RIPK2: variants seen among roughly 807,000 people sequenced by gnomAD.
The protein encoded by RIPK2 is receptor interacting serine/threonine kinase 2.
RIPK2 carries 38 observed loss-of-function variants against 60.9 expected under a neutral mutation model. That is an observed-to-expected ratio of 0.62 (90% CI 0.48 to 0.82). The LOEUF (loss-of-function observed/expected upper bound fraction) is 0.82, where lower values mean the gene tolerates loss of function less well. RIPK2 is among the 40% of genes least tolerant of loss of function. RIPK2 has a pLI of 0.00. For synonymous variants in RIPK2, 225 were observed against 223.4 expected (o/e 1.01, Z -0.06); for missense variants, 518 against 647.0 (o/e 0.80, Z 2.16).
intron 1 of RIPK2, among the ~76,000 whole-genome samples, chr8:89,760,247 A>G (rs1039581091): frequency 6.6e-6 from 1 of 152,146 alleles, no homozygotes; most frequent in African/African-American, 2.4e-5. Context: ...AGTTTATGCA[A>G]TGTTACATGC....
chr8:89,776,259 T>C (rs1181942590), intron 6 of RIPK2, among the ~76,000 whole-genome samples: 1 of 152,206 alleles, frequency 6.6e-6, no homozygotes, highest in Non-Finnish European at 1.5e-5. Flanking sequence ...AGGATTGAAC[T>C]GGAAATGTCA....
chr8:89,772,150 G>GACTAGAC (rs1254049131), intron 5 of RIPK2, among the ~76,000 whole-genome samples: 85 of 151,950 alleles, frequency 5.6e-4, no homozygotes, highest in Non-Finnish European at 9.7e-4. Context: ...TAGTCTAGCT[G>GACTAGAC]TAAAATTATT....
intron 6 of RIPK2, among the ~76,000 whole-genome samples, chr8:89,774,510 T>C (rs1057117281): frequency 6.6e-6 from 1 of 152,090 alleles, no homozygotes; most frequent in African/African-American, 2.4e-5. Flanking sequence ...AAAGATAAAT[T>C]TACCATACAA....
intron 7 of RIPK2, 38 bp downstream of exon 7, chr8:89,780,198 A>T (rs1247175316): frequency 9.8e-7 from 1 of 1,020,124 alleles, no homozygotes; most frequent in African/African-American, 1.6e-5. Context: ...TTAGAAATTT[A>T]AACAACTATA....
chr8:89,775,953 T>C (rs1327041257), intron 6 of RIPK2, among the ~76,000 whole-genome samples: 1 of 152,192 alleles, frequency 6.6e-6, no homozygotes, highest in Non-Finnish European at 1.5e-5. Context: ...GAATATCAGT[T>C]TCATTACTGA....
chr8:89,766,943 A>G (rs1020332606), intron 3 of RIPK2, among the ~76,000 whole-genome samples: 1 of 151,674 alleles, frequency 6.6e-6, no homozygotes, highest in African/African-American at 2.4e-5. Context: ...ATTTCCTCCC[A>G]GTTATAGTTT....
Position 89,790,280 on chromosome 8 carries a change from T to G in RIPK2, c.1487T>G (p.Ile496Ser). 1 of 1,614,082 alleles carries G rather than the reference T, an allele frequency of 6.2e-7. No homozygotes were observed. Among genetic ancestry groups the G allele is most frequent in the Non-Finnish European group, 8.5e-7 (1 of 1,179,998 alleles). Residue 496 changes from isoleucine to serine, a missense_variant, in exon 11 of 11, where the codon ATC becomes AGC. Coordinates refer to ENST00000220751, the MANE Select transcript of RIPK2 (RefSeq NM_003821.6). ...AGACAATTACTAGACACTACTGACATCCAAGGAGAAGAATTTGCCAAAGTT... is the reference window on the plus strand; with the variant it reads ...AGACAATTACTAGACACTACTGACAGCCAAGGAGAAGAATTTGCCAAAGTT... ...KVRQLLDTTD[I>S]QGEEFAKVIV...
intron 9 of RIPK2, among the ~76,000 whole-genome samples, chr8:89,788,932 T>C (rs1809630455): frequency 6.6e-6 from 1 of 151,978 alleles, no homozygotes; most frequent in African/African-American, 2.4e-5. Flanking sequence ...GAGGGGATGA[T>C]TAAGTCCCTG....
At position 89,757,974 on chromosome 8, in the gene RIPK2, G is replaced by C. The variant is rs199580324; in HGVS notation, c.-87G>C. 6.9e-7 allele frequency: 1 copy of C among 1,449,578 alleles called. No homozygotes were observed. The highest frequency in any genetic ancestry group is 9.1e-7 in the Non-Finnish European group (1 of 1,100,288). 89.8% of individuals were successfully genotyped at this position (1,449,578 alleles called of 1,614,324 possible). A position where few individuals can be genotyped will look rare whatever the true frequency, so the allele number is the denominator to read the frequency against. ...TTGCCGGCCTCGCTCGTGCAGGGGCGTATCTGGGCGCCTGAGCGCGGCGTG... is the reference window on the plus strand; with the variant it reads ...TTGCCGGCCTCGCTCGTGCAGGGGCCTATCTGGGCGCCTGAGCGCGGCGTG... On this transcript the variant is annotated 5_prime_UTR_variant, in exon 1 of 11. Transcript: ENST00000220751.
intron 1 of RIPK2, chr8:89,759,414 A>G: frequency 2.2e-6 from 1 of 456,250 alleles, no homozygotes; most frequent in South Asian, 1.5e-5. Flanking sequence ...ATGTGAAAAT[A>G]CGTCATCCCC....
At chr8:89,763,436 C>G (rs1809177425) in intron 2 of RIPK2, among the ~76,000 whole-genome samples, 1 of 152,068 alleles carries the variant, frequency 6.6e-6, no homozygotes, top group African/African-American at 2.4e-5. Flanking sequence ...ATTAGCTTTT[C>G]TAATAATAGA....
At position 89,771,747 on chromosome 8, in the gene RIPK2, A is replaced by C. The variant is rs746599674; in HGVS notation, c.648A>C (p.Ala216=). 2 of 1,602,642 alleles carry C rather than the reference A, an allele frequency of 1.2e-6. No homozygotes were observed. Among genetic ancestry groups the C allele is most frequent in the Admixed American group, 3.4e-5 (2 of 58,942 alleles). The stretch of plus-strand genomic sequence containing the variant: ...ATGTTCTTATGTTAAACAGCTATGC[A>C]GTTATCACATGGGAAGTGTTATCCA... ...ASIKHDIYSY[A]VITWEVLSRK... Residue 216 remains alanine, a synonymous_variant, in exon 5 of 11, where the codon GCA becomes GCC. Transcript: ENST00000220751.
chr8:89,763,418 C>T (rs930956723), intron 2 of RIPK2, among the ~76,000 whole-genome samples: 11 of 152,084 alleles, frequency 7.2e-5, no homozygotes, highest in African/African-American at 2.2e-4. Flanking sequence ...TCTCTGAATA[C>T]CAGATACATT....
intron 3 of RIPK2, among the ~76,000 whole-genome samples, chr8:89,768,510 G>A (rs1809264068): frequency 6.6e-6 from 1 of 151,450 alleles, no homozygotes; most frequent in South Asian, 2.1e-4. Flanking sequence ...CGCGCTTTTG[G>A]AGAACACTCA....
chr8:89,769,651 T>C lies in RIPK2; in HGVS notation c.484-121T>C, dbSNP rs544190004. 8 of 630,910 alleles carry C rather than the reference T, an allele frequency of 1.3e-5. No individual in the cohort carries two copies. The East Asian group carries it at 2.5e-4, about 20-fold the overall frequency. 39.1% of individuals were successfully genotyped at this position (630,910 alleles called of 1,614,324 possible). The stretch of plus-strand genomic sequence containing the variant: ...TGGGGGAATATACAGAAATAAAATA[T>C]TAAAATATATTACATTTTCTCTGGT... On this transcript the variant is annotated intron_variant, in intron 3 of 10. Transcript: ENST00000220751.
intron 8 of RIPK2, among the ~76,000 whole-genome samples, chr8:89,785,068 C>T (rs1809562665): frequency 2.0e-5 from 3 of 152,158 alleles, no homozygotes; most frequent in East Asian, 1.9e-4. Context: ...TTAAGCCCCA[C>T]CTCCCAACAC....
intron 3 of RIPK2, among the ~76,000 whole-genome samples, chr8:89,768,999 T>G (rs2130554686): frequency 6.6e-6 from 1 of 151,924 alleles, no homozygotes; most frequent in South Asian, 2.1e-4. Flanking sequence ...ATATTATTTC[T>G]GTTCTTACAT....
In RIPK2 at chr8:89,790,516, T is replaced by G; in HGVS notation, c.*100T>G. On this transcript the variant is annotated 3_prime_UTR_variant, in exon 11 of 11. Transcript: ENST00000220751. ...AAAATCCGTGAGTATTAAAGCTTTATTGAAGGTTCTTTGGGTAAATATTAG... is the reference window on the plus strand; with the variant it reads ...AAAATCCGTGAGTATTAAAGCTTTAGTGAAGGTTCTTTGGGTAAATATTAG... The G allele has an allele frequency of 1.2e-6, 1 of 823,510 alleles. No homozygotes were observed. The highest frequency in any genetic ancestry group is 1.8e-6 in the Non-Finnish European group (1 of 543,010). The allele number at this position is 823,510 out of a possible 1,614,324, so 51.0% of individuals were successfully genotyped here.
At position 89,784,248 on chromosome 8, in the gene RIPK2, C is replaced by T; in HGVS notation, c.1029+109C>T. ...TCTTTTATAGAAGGAAAACTAAAGC[C>T]CAGGGAGCTTTTAGGATTTGTTTGG... On this transcript the variant is annotated intron_variant, in intron 8 of 10. Coordinates refer to ENST00000220751, the MANE Select transcript of RIPK2 (RefSeq NM_003821.6). 3 of 629,430 alleles carry T rather than the reference C, an allele frequency of 4.8e-6. No individual in the cohort carries two copies. The South Asian group carries it at 8.8e-5, about 18-fold the overall frequency. 39.0% of individuals were successfully genotyped at this position (629,430 alleles called of 1,614,324 possible).
Sources: allele counts gnomAD v4.1 joint callset (sites outside exome capture counted in the v4.1 genomes callset), GRCh38; gene constraint gnomAD v4.1.1; transcripts MANE v1.5; gene names NCBI Gene and HGNC (gene_info 2026-07-23, HGNC 2026-07-21).